Variants in KANSL1 observed in about 807,000 individuals in gnomAD.
The protein encoded by KANSL1 is KAT8 regulatory NSL complex subunit 1, also known as MLL1/MLL complex subunit KANSL1.
A neutral mutation model predicts 103.6 loss-of-function variants in KANSL1; 22 were observed. The observed-to-expected ratio is 0.21, with a 90% confidence interval of 0.15 to 0.30. KANSL1 has a LOEUF of 0.30. KANSL1 is among the 10% of genes least tolerant of loss of function. The pLI is 1.00. For missense variants in KANSL1, 1,337 were observed against 1,399.8 expected, an observed-to-expected ratio of 0.96 and a Z score of 0.72; for synonymous variants, 600 against 527.6, an observed-to-expected ratio of 1.14 and a Z score of -1.88.
At chr17:46,136,318 C>T (rs2044140742) in intron 2 of KANSL1, among the ~76,000 whole-genome samples, 1 of 152,164 alleles carries the variant, frequency 6.6e-6, no homozygotes, top group Non-Finnish European at 1.5e-5. Flanking sequence ...TCTCTGAAGC[C>T]TGTCAGAGTA....
At chr17:46,054,500 A>C (rs1304888640) in intron 6 of KANSL1, among the ~76,000 whole-genome samples, 1 of 152,202 alleles carries the variant, frequency 6.6e-6, no homozygotes, top group African/African-American at 2.4e-5. Flanking sequence ...CTTCCAAATC[A>C]ATCAACACAG....
At chr17:46,054,460 C>T (rs2077845618) in intron 6 of KANSL1, among the ~76,000 whole-genome samples, 2 of 152,214 alleles carry the variant, frequency 1.3e-5, no homozygotes, top group Non-Finnish European at 2.9e-5. Flanking sequence ...CTTCAAGCCT[C>T]CTAACTGATC....
intron 1 of KANSL1, among the ~76,000 whole-genome samples, chr17:46,185,694 C>CAT (rs1567781970): frequency 2.0e-4 from 5 of 25,210 alleles, no homozygotes; most frequent in African/African-American, 3.7e-4. Flanking sequence ...CACATATATA[C>CAT]ACACACACAC....
intron 1 of KANSL1, among the ~76,000 whole-genome samples, chr17:46,183,747 T>G (rs571513813): frequency 6.6e-6 from 1 of 152,134 alleles, no homozygotes; most frequent in Non-Finnish European, 1.5e-5. Flanking sequence ...GGTCAGGAGT[T>G]TGAGACCAGC....
chr17:46,194,381 C>T (rs2047532250), upstream of KANSL1, among the ~76,000 whole-genome samples: 1 of 152,278 alleles, frequency 6.6e-6, no homozygotes, highest in Non-Finnish European at 1.5e-5. Flanking sequence ...CAACTTCCCA[C>T]CTCGTTACCA....
At chr17:46,145,956 T>C (rs2044677445) in intron 2 of KANSL1, among the ~76,000 whole-genome samples, 1 of 152,232 alleles carries the variant, frequency 6.6e-6, no homozygotes, top group South Asian at 2.1e-4. Flanking sequence ...CTCAAATTCC[T>C]GACCTCAAGT....
upstream of KANSL1, chr17:46,196,219 C>T (rs2047602441): frequency 4.7e-6 from 2 of 422,360 alleles, no homozygotes; most frequent in Middle Eastern, 5.2e-4. Context: ...ACCTGGGCAA[C>T]AGAGCGAGAC....
intron 1 of KANSL1, among the ~76,000 whole-genome samples, chr17:46,217,373 G>A (rs1183755355): frequency 6.6e-6 from 1 of 151,964 alleles, no homozygotes. Flanking sequence ...CTACTTGGAA[G>A]GCTAAGGCAG....
intron 2 of KANSL1, among the ~76,000 whole-genome samples, chr17:46,129,298 T>C (rs1476859570): frequency 1.3e-5 from 2 of 152,160 alleles, no homozygotes; most frequent in Non-Finnish European, 2.9e-5. Context: ...ATGTCAAGCA[T>C]GGAAATTAAG....
At chr17:46,115,725 G>A (rs902272916) in intron 2 of KANSL1, among the ~76,000 whole-genome samples, 2 of 152,184 alleles carry the variant, frequency 1.3e-5, no homozygotes, top group African/African-American at 4.8e-5. Context: ...CTTTAGGAAA[G>A]CCAACCGATA....
chr17:46,148,101 G>C (rs1439580181), intron 2 of KANSL1: 1 of 152,214 alleles, frequency 6.6e-6, no homozygotes, highest in Non-Finnish European at 1.5e-5. Context: ...TTAGCACACA[G>C]TTTTGACACA....
intron 2 of KANSL1, among the ~76,000 whole-genome samples, chr17:46,120,817 T>C (rs964792186): frequency 2.0e-5 from 3 of 152,230 alleles, no homozygotes; most frequent in African/African-American, 4.8e-5. Context: ...GTAAAACATG[T>C]ACTTACCACG....
At chr17:46,089,501 C>T (rs1463506031) in intron 3 of KANSL1, among the ~76,000 whole-genome samples, 1 of 151,494 alleles carries the variant, frequency 6.6e-6, no homozygotes, top group Non-Finnish European at 1.5e-5. Flanking sequence ...CAATCTCCCA[C>T]CCGAAGACAA....
chr17:46,037,043 T>C (rs1411138541), intron 10 of KANSL1, among the ~76,000 whole-genome samples: 1 of 152,126 alleles, frequency 6.6e-6, no homozygotes, highest in African/African-American at 2.4e-5. Flanking sequence ...TCCAGAGTCT[T>C]TGAAAAAACT....
intron 2 of KANSL1, among the ~76,000 whole-genome samples, chr17:46,137,412 T>C (rs1455731754): frequency 1.3e-5 from 2 of 152,250 alleles, no homozygotes; most frequent in South Asian, 4.1e-4. Flanking sequence ...TTACGTATGA[T>C]TTAGTTAGCA....
At chr17:46,144,149 T>C (rs1370097661) in intron 2 of KANSL1, among the ~76,000 whole-genome samples, 3 of 152,218 alleles carry the variant, frequency 2.0e-5, no homozygotes, top group Admixed American at 6.5e-5. Context: ...ACTACTACTA[T>C]CATTCTGAAG....
chr17:46,100,139 T>C (rs1195576484), intron 2 of KANSL1, among the ~76,000 whole-genome samples: 1 of 152,250 alleles, frequency 6.6e-6, no homozygotes, highest in Non-Finnish European at 1.5e-5. Context: ...CATAGATCTT[T>C]CCTGTGTTTG....
At chr17:46,177,550 C>T (rs925939463) in intron 1 of KANSL1, among the ~76,000 whole-genome samples, 1 of 152,188 alleles carries the variant, frequency 6.6e-6, no homozygotes, top group Non-Finnish European at 1.5e-5. Context: ...TAGAAAAGTG[C>T]TTGCTTCATT....
chr17:46,063,055 A>T (rs1030435801), intron 6 of KANSL1, among the ~76,000 whole-genome samples: 15 of 152,226 alleles, frequency 9.9e-5, no homozygotes, highest in Non-Finnish European at 2.2e-4. Context: ...ATCTCAAAGA[A>T]AAAACAAAAC....
Sources: gnomAD v4.1 joint callset for allele counts (sites outside exome capture counted in the v4.1 genomes callset) on GRCh38, gnomAD v4.1.1 for gene constraint, MANE v1.5 for transcripts, NCBI Gene and HGNC (gene_info 2026-07-23, HGNC 2026-07-21) for gene names.